The following MACROD2 variants were observed in gnomAD, a reference collection of about 807,000 sequenced individuals.
MACROD2 encodes mono-ADP ribosylhydrolase 2.
Under a neutral mutation model 70.4 loss-of-function variants are expected in MACROD2, and 36 were observed. That is an observed-to-expected ratio of 0.51 (90% CI 0.39 to 0.68). The LOEUF (loss-of-function observed/expected upper bound fraction) is 0.68, where lower values mean the gene tolerates loss of function less well. Ranked by LOEUF, MACROD2 falls within the 30% of genes least tolerant of loss-of-function variation. The pLI, the probability that MACROD2 is intolerant of heterozygous loss-of-function variation, is 0.00. For missense variants in MACROD2, 496 were observed against 538.4 expected (o/e 0.92, Z 0.78); for synonymous variants, 172 against 178.8 (o/e 0.96, Z 0.30).
intron 5 of MACROD2, among the ~76,000 whole-genome samples, chr20:15,208,899 C>T (rs1489750856): frequency 2.6e-5 from 4 of 152,078 alleles, no homozygotes; most frequent in Admixed American, 2.6e-4. Context: ...AAATTGGCTT[C>T]CTAACCAGCC....
intron 3 of MACROD2, among the ~76,000 whole-genome samples, chr20:14,376,768 A>T (rs1488877699): frequency 6.8e-6 from 1 of 147,260 alleles, no homozygotes; most frequent in South Asian, 2.1e-4. Context: ...AATAATAATA[A>T]TAATAATAAT....
At chr20:15,067,438 C>A (rs2075585975) in intron 5 of MACROD2, among the ~76,000 whole-genome samples, 1 of 152,140 alleles carries the variant, frequency 6.6e-6, no homozygotes, top group Admixed American at 6.5e-5. Flanking sequence ...CAACCTTTGT[C>A]TCCCAGGTTC....
intron 3 of MACROD2, chr20:14,223,190 G>A (rs1035504501): frequency 2.6e-5 from 4 of 152,252 alleles, no homozygotes; most frequent in Non-Finnish European, 5.9e-5. Context: ...CAGGAGTGGG[G>A]GACTACTAGT....
intron 1 of MACROD2, among the ~76,000 whole-genome samples, chr20:13,999,115 T>C (rs970251637): frequency 9.9e-5 from 15 of 152,206 alleles, no homozygotes; most frequent in Non-Finnish European, 1.6e-4. Context: ...GTAAGATGAA[T>C]CTTTCTGCTG....
At chr20:14,547,007 C>T (rs1355172880) in intron 4 of MACROD2, among the ~76,000 whole-genome samples, 3 of 151,914 alleles carry the variant, frequency 2.0e-5, no homozygotes, top group African/African-American at 7.3e-5. Context: ...TCCTACTTTG[C>T]CCCCTAAGTT....
intron 5 of MACROD2, among the ~76,000 whole-genome samples, chr20:14,975,866 G>T (rs573416620): frequency 6.6e-6 from 1 of 152,258 alleles, no homozygotes; most frequent in East Asian, 1.9e-4. Context: ...CAAACCCTTA[G>T]AAATAAGGAG....
intron 4 of MACROD2, among the ~76,000 whole-genome samples, chr20:14,596,221 G>A (rs913377945): frequency 1.6e-4 from 23 of 146,534 alleles, no homozygotes; most frequent in Non-Finnish European, 2.4e-4. Context: ...GAGTAGCTGG[G>A]ACTACATACA....
Position 15,694,937 on chromosome 20 carries a change from G to T in MACROD2, c.646-167808G>T, listed in dbSNP as rs545463723. Among the ~76,000 whole-genome samples, 4 of 152,226 alleles carry T rather than the reference G, an allele frequency of 2.6e-5. No individual in the cohort carries two copies. The East Asian group carries it at 7.7e-4, about 29-fold the overall frequency. On this transcript the variant is annotated intron_variant, in intron 8 of 17. Transcript: ENST00000684519. ...ATCCAGTTTCATTCTTTTACAAGTG[G>T]CTAGCCAATTATCCCAGCACAATTT...
chr20:15,810,021 C>G (rs967892865), intron 8 of MACROD2, among the ~76,000 whole-genome samples: 1 of 133,662 alleles, frequency 7.5e-6, no homozygotes, highest in Non-Finnish European at 1.6e-5. Context: ...CCCCTCCCCC[C>G]ACCCCACAAC....
chr20:15,599,587 GATAATA>G (rs568100816), intron 8 of MACROD2, among the ~76,000 whole-genome samples: 1 of 152,104 alleles, frequency 6.6e-6, no homozygotes, highest in South Asian at 2.1e-4. Context: ...CCTGTAAATT[GATAATA>G]ATAAACTCCT....
intron 8 of MACROD2, among the ~76,000 whole-genome samples, chr20:15,742,694 C>T (rs2051122887): frequency 6.6e-6 from 1 of 152,234 alleles, no homozygotes. Context: ...TTGACCTCAA[C>T]TAAAATAACT....
chr20:14,193,334 C>T (rs2081403228), intron 3 of MACROD2, among the ~76,000 whole-genome samples: 2 of 152,176 alleles, frequency 1.3e-5, no homozygotes, highest in Non-Finnish European at 2.9e-5. Flanking sequence ...TGAAAATTAG[C>T]TGCTTTTATT....
rs2077369825 is a variant in MACROD2, at chr20:15,274,088, G to A, written c.540+44027G>A. Among the ~76,000 whole-genome samples, 5 of 152,336 alleles carry A rather than the reference G, an allele frequency of 3.3e-5. No homozygotes were observed. In the South Asian group the frequency reaches 1.0e-3, roughly 32 times the overall value. On this transcript the variant is annotated intron_variant, in intron 6 of 17. Coordinates refer to ENST00000684519, the MANE Select transcript of MACROD2 (RefSeq NM_001351661.2). Reference sequence around the variant, plus strand: ...GTTTAATGAAGCAGCATTGCCTCATGACTGGTAAGAATAAGAAGACATGGG... The same window carrying A: ...GTTTAATGAAGCAGCATTGCCTCATAACTGGTAAGAATAAGAAGACATGGG...
chr20:14,603,527 A>G (rs1053741986), intron 4 of MACROD2, among the ~76,000 whole-genome samples: 4 of 152,324 alleles, frequency 2.6e-5, no homozygotes, highest in Non-Finnish European at 4.4e-5. Flanking sequence ...TTTCATTTTT[A>G]TTAAATAGGT....
chr20:15,917,385 T>C (rs6034327), intron 10 of MACROD2, among the ~76,000 whole-genome samples: 24,742 of 152,032 alleles, frequency 0.16, 3,124 homozygotes, highest in African/African-American at 0.34. Context: ...TCTCAGAAAA[T>C]TCATATTGCG....
chr20:15,646,052 C>G (rs2146784604), intron 8 of MACROD2, among the ~76,000 whole-genome samples: 1 of 152,290 alleles, frequency 6.6e-6, no homozygotes, highest in South Asian at 2.1e-4. Context: ...ACTGCCTCAA[C>G]AGCTCCTGCT....
chr20:14,436,927 G>A (rs942853091), intron 3 of MACROD2, among the ~76,000 whole-genome samples: 14 of 152,132 alleles, frequency 9.2e-5, no homozygotes, highest in Non-Finnish European at 1.6e-4. Flanking sequence ...ACTTTGCTTG[G>A]TTTTTGTTTT....
intron 8 of MACROD2, among the ~76,000 whole-genome samples, chr20:15,785,477 C>T (rs1481074391): frequency 1.3e-5 from 2 of 152,124 alleles, no homozygotes; most frequent in Non-Finnish European, 2.9e-5. Flanking sequence ...GTTGTAAAAC[C>T]TCAGGTCATT....
chr20:15,879,417 A>C (rs1252468896), intron 9 of MACROD2, among the ~76,000 whole-genome samples: 1 of 152,146 alleles, frequency 6.6e-6, no homozygotes, highest in African/African-American at 2.4e-5. Flanking sequence ...AGCACATTAC[A>C]TAGAATAATG....
Sources: gnomAD v4.1 joint callset for allele counts (sites outside exome capture counted in the v4.1 genomes callset) on GRCh38, gnomAD v4.1.1 for gene constraint, MANE v1.5 for transcripts, NCBI Gene and HGNC (gene_info 2026-07-23, HGNC 2026-07-21) for gene names.